The following SNX25 variants were observed in gnomAD, a reference collection of about 807,000 sequenced individuals.
SNX25 encodes sorting nexin-25.
SNX25 carries 62 observed loss-of-function variants against 113.7 expected under a neutral mutation model. The observed-to-expected ratio is 0.55, with a 90% CI of 0.44 to 0.67. The LOEUF (loss-of-function observed/expected upper bound fraction) is 0.67. SNX25 is among the 30% of genes least tolerant of loss of function. The probability of loss-of-function intolerance (pLI) is 0.00; values close to 1 mark genes in which losing one functional copy is unlikely to be tolerated. For missense variants in SNX25, 1,014 were observed against 1,161.0 expected, an observed-to-expected ratio of 0.87 and a Z score of 1.84; for synonymous variants, 421 against 436.2, an observed-to-expected ratio of 0.97 and a Z score of 0.43.
chr4:185,358,242 T>C (rs1426862660), intron 16 of SNX25, among the ~76,000 whole-genome samples: 1 of 152,214 alleles, frequency 6.6e-6, no homozygotes, highest in African/African-American at 2.4e-5. Context: ...CTGGGGTGTG[T>C]GTGTGGCCCT....
At chr4:185,266,245 C>T (rs1748058006) in intron 4 of SNX25, among the ~76,000 whole-genome samples, 1 of 152,086 alleles carries the variant, frequency 6.6e-6, no homozygotes, top group Non-Finnish European at 1.5e-5. Flanking sequence ...TCTGTTTTAA[C>T]CAGTTGGGGA....
chr4:185,285,425 G>A (rs745826220), intron 5 of SNX25, among the ~76,000 whole-genome samples: 2 of 152,270 alleles, frequency 1.3e-5, no homozygotes, highest in Middle Eastern at 3.4e-3. Flanking sequence ...ATTTTCGTGC[G>A]TTTCTTTGTA....
In SNX25 at chr4:185,330,791, C is replaced by CT. The variant is rs201018928; in HGVS notation, c.1750-1794dup. Among the ~76,000 whole-genome samples the CT allele has an allele frequency of 2.1e-3, 311 of 149,094 alleles. 1 individual carries two copies. Among genetic ancestry groups the CT allele is most frequent in the African/African-American group, 6.8e-3 (276 of 40,652 alleles). On this transcript the variant is annotated intron_variant, in intron 9 of 18. Coordinates refer to ENST00000652585, the MANE Select transcript of SNX25 (RefSeq NM_001378034.2). The stretch of plus-strand genomic sequence containing the variant: ...TGGTTGTCTGAACTTCATATACATT[C>CT]TTTTTTTTTTAAGTTTTGTTACTTG...
At chr4:185,245,881 C>T (rs757854187) in intron 1 of SNX25, among the ~76,000 whole-genome samples, 2 of 152,152 alleles carry the variant, frequency 1.3e-5, no homozygotes, top group African/African-American at 2.4e-5. Flanking sequence ...TAAAAACTTG[C>T]GTTACTTCCA....
At chr4:185,212,517 A>T in intron 1 of SNX25, among the ~76,000 whole-genome samples, 1 of 77,558 alleles carries the variant, frequency 1.3e-5, no homozygotes, top group African/African-American at 4.9e-5. Flanking sequence ...GCTTTGAGAC[A>T]GGGTCTGCTC....
At chr4:185,354,429 T>C (rs2095330149) in intron 15 of SNX25, among the ~76,000 whole-genome samples, 1 of 152,154 alleles carries the variant, frequency 6.6e-6, no homozygotes, top group African/African-American at 2.4e-5. Context: ...ATGTTTTTGA[T>C]TGTCTTAACT....
intron 4 of SNX25, among the ~76,000 whole-genome samples, chr4:185,265,675 A>G (rs562936167): frequency 1.3e-5 from 2 of 152,238 alleles, no homozygotes; most frequent in African/African-American, 4.8e-5. Flanking sequence ...AACTTTTTTT[A>G]CTTTATGAAC....
the SNX25 span, chr4:185,377,121 G>C: frequency 3.7e-6 from 3 of 816,028 alleles, no homozygotes; most frequent in Admixed American, 4.2e-5. Context: ...TGACATTCTT[G>C]CTTTCTAGTG....
chr4:185,304,700 G>T lies in SNX25; in HGVS notation c.1163-5935G>T, dbSNP rs116729956. Among the ~76,000 whole-genome samples the T allele has an allele frequency of 5.9e-3, 902 of 152,050 alleles. 6 individuals carry two copies. The highest frequency in any genetic ancestry group is 0.021 in the African/African-American group (854 of 41,494). On this transcript the variant is annotated intron_variant, in intron 6 of 18. Coordinates refer to ENST00000652585, the MANE Select transcript of SNX25 (RefSeq NM_001378034.2). ...GACAGAGTCTTGCTGTGTTGCCCAAGCTGGTTTTAAACTCCTGGCCTCAAG... is the reference window on the plus strand; with the variant it reads ...GACAGAGTCTTGCTGTGTTGCCCAATCTGGTTTTAAACTCCTGGCCTCAAG...
At chr4:185,327,058 C>G (rs1301877436) in intron 9 of SNX25, among the ~76,000 whole-genome samples, 1 of 152,150 alleles carries the variant, frequency 6.6e-6, no homozygotes, top group East Asian at 1.9e-4. Context: ...ACCTTTTAAT[C>G]TAGGTAAAAA....
chr4:185,268,470 G>C (rs1398547601), intron 5 of SNX25, among the ~76,000 whole-genome samples: 1 of 152,036 alleles, frequency 6.6e-6, no homozygotes, highest in Non-Finnish European at 1.5e-5. Context: ...TATCTAGTTT[G>C]TAAATTTTCT....
chr4:185,317,266 A>G (rs192268922), intron 7 of SNX25, among the ~76,000 whole-genome samples: 10 of 152,370 alleles, frequency 6.6e-5, no homozygotes, highest in Admixed American at 4.6e-4. Context: ...CAAAACCACA[A>G]TGAGCTACCG....
chr4:185,254,462 C>T (rs1031390798), intron 2 of SNX25, among the ~76,000 whole-genome samples: 3 of 152,234 alleles, frequency 2.0e-5, no homozygotes, highest in Admixed American at 6.5e-5. Flanking sequence ...ACATGTATCT[C>T]TGAATCGCAT....
At position 185,284,780 on chromosome 4, in the gene SNX25, G is replaced by T. The variant is rs566819471; in HGVS notation, c.1092-3232G>T. 2.0e-5 allele frequency among the ~76,000 whole-genome samples: 3 copies of T among 152,214 alleles called. No homozygotes were observed. The South Asian group carries it at 6.2e-4, about 32-fold the overall frequency. ...GAGAGGATTGAAGTCAGGGAGACAG[G>T]CCATTTAGCCATTGCAGTGACCTAC... is the stretch of plus-strand genomic sequence containing the variant. On this transcript the variant is annotated intron_variant, in intron 5 of 18. Transcript: ENST00000652585.
downstream of SNX25, chr4:185,370,646 A>C (rs767797257): frequency 1.2e-6 from 2 of 1,613,800 alleles, no homozygotes; most frequent in Admixed American, 1.7e-5. Context: ...TTACTTTAGA[A>C]TAATAGTGTT....
chr4:185,292,692 C>T (rs763417051), intron 6 of SNX25, among the ~76,000 whole-genome samples: 28 of 152,130 alleles, frequency 1.8e-4, no homozygotes, highest in Non-Finnish European at 2.8e-4. Context: ...CATGAGCCAC[C>T]GCACCCGGCC....
At chr4:185,246,892 G>T (rs971433489) in intron 1 of SNX25, among the ~76,000 whole-genome samples, 1 of 152,098 alleles carries the variant, frequency 6.6e-6, no homozygotes, top group Non-Finnish European at 1.5e-5. Flanking sequence ...ATGTAAGACC[G>T]TAACCTTTTA....
At chr4:185,328,322 G>A (rs553529194) in intron 9 of SNX25, among the ~76,000 whole-genome samples, 1 of 152,162 alleles carries the variant, frequency 6.6e-6, no homozygotes, top group Non-Finnish European at 1.5e-5. Flanking sequence ...AATTCCAGGG[G>A]TTCCATAAGG....
chr4:185,258,829 C>T lies in SNX25; in HGVS notation c.515-19C>T, dbSNP rs745454804. ...CTTCTTTCATTTGTTTTACTCATTG[C>T]TTTGTTTATTCCTGGTAGTGTTCGA... On this transcript the variant is annotated intron_variant, in intron 2 of 18. Transcript: ENST00000652585. 2 of 1,589,626 alleles carry T rather than the reference C, an allele frequency of 1.3e-6. No individual in the cohort carries two copies. The highest frequency in any genetic ancestry group is 2.3e-5 in the East Asian group (1 of 44,382).
Sources: allele counts gnomAD v4.1 joint callset (sites outside exome capture counted in the v4.1 genomes callset), GRCh38; gene constraint gnomAD v4.1.1; transcripts MANE v1.5; gene names NCBI Gene and HGNC (gene_info 2026-07-23, HGNC 2026-07-21).